Variants in NCKAP5 observed in about 807,000 individuals in gnomAD.
The protein encoded by NCKAP5 is nck-associated protein 5.
In NCKAP5, 92 loss-of-function variants were observed where a neutral mutation model predicts 167.0. The observed-to-expected ratio is 0.55, with a 90% confidence interval of 0.47 to 0.66. The LOEUF (loss-of-function observed/expected upper bound fraction) is 0.66. Ranked by LOEUF, NCKAP5 falls within the 30% of genes least tolerant of loss-of-function variation. The probability of loss-of-function intolerance (pLI) is 0.00; values close to 1 mark genes in which losing one functional copy is unlikely to be tolerated. For synonymous variants in NCKAP5, 891 were observed against 877.4 expected, an observed-to-expected ratio of 1.02 and a Z score of -0.27; for missense variants, 2,378 against 2,315.0, an observed-to-expected ratio of 1.03 and a Z score of -0.56.
intron 8 of NCKAP5, among the ~76,000 whole-genome samples, chr2:132,920,702 C>CGTATATGTATATATATGTATATATATAT: frequency 1.4e-5 from 1 of 69,872 alleles, no homozygotes; most frequent in Non-Finnish European, 2.8e-5. Context: ...TATATATATA[C>CGTATATGTATATATATGTATATATATAT]GTATATGTAT....
chr2:133,076,469 G>A (rs377163729), intron 6 of NCKAP5, among the ~76,000 whole-genome samples: 8 of 151,234 alleles, frequency 5.3e-5, no homozygotes, highest in Admixed American at 1.3e-4. Context: ...TCCATCCTAC[G>A]TATGAAAAAA....
chr2:133,444,403 GATAGAT>G (rs1553641903), intron 3 of NCKAP5, among the ~76,000 whole-genome samples: 211 of 105,350 alleles, frequency 2.0e-3, no homozygotes, highest in African/African-American at 5.9e-3. Flanking sequence ...TAGATAGATA[GATAGAT>G]ATAGATATAG....
intron 3 of NCKAP5, among the ~76,000 whole-genome samples, chr2:133,414,844 C>T (rs991661133): frequency 6.6e-6 from 1 of 152,148 alleles, no homozygotes; most frequent in Admixed American, 6.5e-5. Flanking sequence ...GGTATTTTTA[C>T]GTATTCCTTA....
chr2:132,896,077 G>A (rs560944026), intron 8 of NCKAP5, among the ~76,000 whole-genome samples: 77 of 152,332 alleles, frequency 5.1e-4, no homozygotes, highest in Non-Finnish European at 9.1e-4. Flanking sequence ...GGAGGTTGCA[G>A]TGAGCCAAGA....
the NCKAP5 span, among the ~76,000 whole-genome samples, chr2:133,600,708 C>T: frequency 1.3e-5 from 2 of 152,240 alleles, no homozygotes; most frequent in South Asian, 4.1e-4. Context: ...GCCAATGAAT[C>T]CTTCCCGACA....
At chr2:133,192,362 T>C (rs1315697604) in intron 5 of NCKAP5, among the ~76,000 whole-genome samples, 1 of 152,112 alleles carries the variant, frequency 6.6e-6, no homozygotes, top group East Asian at 1.9e-4. Context: ...AAATAGTTCT[T>C]AGACTTGCTA....
chr2:132,815,908 A>T (rs16841778), intron 11 of NCKAP5, among the ~76,000 whole-genome samples: 2 of 152,210 alleles, frequency 1.3e-5, no homozygotes, highest in African/African-American at 4.8e-5. Flanking sequence ...TTCAACATGC[A>T]GGAGAAATCC....
chr2:133,005,629 C>T (rs1332368913), intron 6 of NCKAP5, among the ~76,000 whole-genome samples: 1 of 152,122 alleles, frequency 6.6e-6, no homozygotes. Flanking sequence ...GCAAAAAGGA[C>T]TCTGAATTGC....
intron 3 of NCKAP5, among the ~76,000 whole-genome samples, chr2:133,498,468 A>AAGGC (rs1383249536): frequency 7.3e-6 from 1 of 136,360 alleles, no homozygotes. Flanking sequence ...GGAAGGAAGG[A>AAGGC]AGGAAGGAAG....
chr2:133,060,597 C>T (rs1559098816), intron 6 of NCKAP5, among the ~76,000 whole-genome samples: 1 of 152,154 alleles, frequency 6.6e-6, no homozygotes. Flanking sequence ...ATCCTTGCCC[C>T]CTTTTTATTT....
intron 16 of NCKAP5, 90 bp downstream of exon 16, chr2:132,773,726 G>A: frequency 9.8e-7 from 1 of 1,023,518 alleles, no homozygotes; most frequent in South Asian, 1.5e-5. Context: ...TTGATAGAGG[G>A]ACATGGTCTC....
chr2:132,717,200 G>A (rs540717495), intron 19 of NCKAP5, among the ~76,000 whole-genome samples: 47 of 152,120 alleles, frequency 3.1e-4, no homozygotes, highest in Non-Finnish European at 5.0e-4. Flanking sequence ...GTCCCACTGC[G>A]CATGTCCATC....
the NCKAP5 span, among the ~76,000 whole-genome samples, chr2:133,599,989 T>G: frequency 6.6e-6 from 1 of 152,250 alleles, no homozygotes; most frequent in African/African-American, 2.4e-5. Flanking sequence ...GAGCTGGGAC[T>G]AGAAGCCAAC....
At chr2:132,867,195 C>T (rs1356339718) in intron 10 of NCKAP5, among the ~76,000 whole-genome samples, 18 of 151,912 alleles carry the variant, frequency 1.2e-4, no homozygotes, top group Admixed American at 9.2e-4. Context: ...TTGTCTCTTT[C>T]CTGAGGCACC....
intron 6 of NCKAP5, among the ~76,000 whole-genome samples, chr2:133,063,409 T>G (rs982839530): frequency 6.6e-6 from 1 of 152,242 alleles, no homozygotes; most frequent in East Asian, 1.9e-4. Flanking sequence ...TGTATTTATA[T>G]ATGGCGAATC....
At chr2:132,920,579 T>C (rs945993418) in intron 8 of NCKAP5, among the ~76,000 whole-genome samples, 1 of 148,604 alleles carries the variant, frequency 6.7e-6, no homozygotes, top group Non-Finnish European at 1.5e-5. Context: ...TGCTGTGTGT[T>C]GACTTTCCAT....
intron 3 of NCKAP5, among the ~76,000 whole-genome samples, chr2:133,343,789 G>T (rs755741166): frequency 6.6e-6 from 1 of 152,176 alleles, no homozygotes; most frequent in Non-Finnish European, 1.5e-5. Context: ...AATTCACGTC[G>T]CCATAAGCAG....
intron 4 of NCKAP5, among the ~76,000 whole-genome samples, chr2:133,239,812 A>C (rs1574471327): frequency 6.6e-6 from 1 of 152,228 alleles, no homozygotes; most frequent in East Asian, 1.9e-4. Context: ...GCTTGCTAGC[A>C]CTTGTTCCAT....
intron 6 of NCKAP5, among the ~76,000 whole-genome samples, chr2:133,075,559 C>T (rs1233012718): frequency 2.6e-5 from 4 of 152,062 alleles, no homozygotes; most frequent in Non-Finnish European, 5.9e-5. Context: ...TACATAATAA[C>T]AGTTACAGGA....
Sources: allele counts gnomAD v4.1 joint callset (sites outside exome capture counted in the v4.1 genomes callset), GRCh38; gene constraint gnomAD v4.1.1; transcripts MANE v1.5; gene names NCBI Gene and HGNC (gene_info 2026-07-23, HGNC 2026-07-21).